Variants in ZMYM6 observed in about 807,000 individuals in gnomAD.
ZMYM6 encodes the protein zinc finger MYM-type protein 6.
In ZMYM6, 90 loss-of-function variants were observed where a neutral mutation model predicts 134.0. The ratio of observed to expected loss-of-function variants is 0.67; its 90% confidence interval spans 0.57 to 0.80. The LOEUF is 0.80. Among genes scored for constraint, ZMYM6 ranks in the 30% least tolerant of loss-of-function variants. The pLI is 0.00. For synonymous variants in ZMYM6, 481 were observed against 524.1 expected (o/e 0.92, Z 1.12); for missense variants, 1,362 against 1,533.9 (o/e 0.89, Z 1.87).
chr1:35,026,326 C>T (rs1253338314), intron 2 of ZMYM6, among the ~76,000 whole-genome samples: 1 of 152,120 alleles, frequency 6.6e-6, no homozygotes, highest in African/African-American at 2.4e-5. Context: ...TGGCCTTCAA[C>T]TATAATTTTA....
chr1:35,024,690 T>G (rs1294901626), intron 2 of ZMYM6, among the ~76,000 whole-genome samples: 1 of 152,172 alleles, frequency 6.6e-6, no homozygotes, highest in Non-Finnish European at 1.5e-5. Context: ...CACCCCTCCA[T>G]GACGTGGCTA....
intron 14 of ZMYM6, among the ~76,000 whole-genome samples, chr1:34,993,157 G>A (rs1458846586): frequency 3.3e-5 from 5 of 150,356 alleles, no homozygotes; most frequent in African/African-American, 1.2e-4. Context: ...TGTCACTCAG[G>A]CTGGAGTACA....
chr1:34,994,693 A>G (rs1314342053), intron 14 of ZMYM6, among the ~76,000 whole-genome samples: 1 of 152,132 alleles, frequency 6.6e-6, no homozygotes, highest in Non-Finnish European at 1.5e-5. Context: ...CAAAATGTAC[A>G]GAAGTATTGC....
chr1:35,028,508 A>T (rs981174356), intron 2 of ZMYM6, among the ~76,000 whole-genome samples: 6 of 150,238 alleles, frequency 4.0e-5, no homozygotes, highest in South Asian at 2.1e-4. Context: ...ATTTTATTTT[A>T]TTTTTTTTTG....
rs1640609058 is a variant in ZMYM6, at chr1:34,988,401, A to G, written c.2681T>C (p.Ile894Thr). The change falls in exon 16 of 16, where the codon ATT becomes ACT. Residue 894 changes from isoleucine to threonine, a missense_variant. By Grantham distance (89) the Ile-to-Thr change is moderately conservative. Transcript: ENST00000357182. ...GACCTTTTGAATCAGCTGGTCTTCA[A>G]TGTCTGCAGATAGTTCATCAATCCT... ...QHRIDELSAD[I>T]EDQLIQKVRE... The G allele has an allele frequency of 6.4e-7, 1 of 1,551,664 alleles. No homozygotes were observed. Among genetic ancestry groups the G allele is most frequent in the Non-Finnish European group, 8.7e-7 (1 of 1,146,964 alleles).
At chr1:35,002,260 T>C (rs1028191442) in intron 14 of ZMYM6, among the ~76,000 whole-genome samples, 8 of 152,218 alleles carry the variant, frequency 5.3e-5, no homozygotes, top group African/African-American at 1.7e-4. Context: ...ACAGATTCCT[T>C]ATTAGCAGGT....
In ZMYM6 at chr1:34,988,139, A is replaced by G; in HGVS notation, c.2943T>C (p.Asp981=). The change falls in exon 16 of 16, where the codon GAT becomes GAC. Residue 981 remains aspartate, a synonymous_variant. Transcript: ENST00000357182. ...ACCTGCCAGTCATGCTTGCAGCCCC[A>G]TCGGTACAGAGACCAACACAATGTT... is the stretch of plus-strand genomic sequence containing the variant. ...NWKHCVGLCT[D]GAASMTGRYS... 1 of 1,551,510 alleles carries G rather than the reference A, an allele frequency of 6.4e-7. No homozygotes were observed. The highest frequency in any genetic ancestry group is 8.7e-7 in the Non-Finnish European group (1 of 1,146,966).
chr1:35,010,943 C>A lies in ZMYM6; in HGVS notation c.1156G>T (p.Val386Leu). 1.9e-6 allele frequency: 3 copies of A among 1,612,822 alleles called. No individual in the cohort carries two copies. The highest frequency in any genetic ancestry group is 2.5e-6 in the Non-Finnish European group (3 of 1,179,570). The change falls in exon 9 of 16, where the codon GTG (valine) becomes TTG (leucine). Residue 386 changes from valine to leucine, a missense_variant. Coordinates refer to ENST00000357182, the MANE Select transcript of ZMYM6 (RefSeq NM_007167.4). ...VVSPPSSRSA[V>L]SIGGGNTSAV... ...GAGGTGTTACCTCCTCCTATTGACA[C>A]TGCTGACCTGGAGGAGGGCGGGCTT...
At chr1:35,015,257 G>T in intron 4 of ZMYM6, 95 bp from the exon 5 acceptor site, 2 of 1,179,316 alleles carry the variant, frequency 1.7e-6, no homozygotes, top group Non-Finnish European at 2.3e-6. Flanking sequence ...CTAAGGGCAG[G>T]TACTGTATGG....
rs1397911204 is a variant in ZMYM6 at position 35,015,113 on chromosome 1, A to G, written c.478T>C (p.Tyr160His). ...TGGCTGCAGAAATCTTTGCTAGGAT[A>G]GGAATTCTCAAAGCGAGTTGTGATC... ...DVITTRFENS[Y>H]PSKDFCSQSC... is the part of the protein sequence containing the mutation. Residue 160 changes from tyrosine (Y) to histidine (H), a missense_variant, in exon 5 of 16, where the codon TAT (tyrosine) becomes CAT (histidine). Coordinates refer to ENST00000357182, the MANE Select transcript of ZMYM6 (RefSeq NM_007167.4). The G allele has an allele frequency of 7.4e-6, 12 of 1,612,776 alleles. No individual in the cohort carries two copies. Among genetic ancestry groups the G allele is most frequent in the Non-Finnish European group, 1.0e-5 (12 of 1,179,716 alleles).
chr1:35,012,494 T>C lies in ZMYM6; in HGVS notation c.883A>G (p.Thr295Ala), dbSNP rs780760351. ...CAATTAATAGAGCAGAAAAGCTCTG[T>C]TTTTCCTGAATCATTTGTAGTCTCA... ...MIETTNDSGK[T>A]ELFCSINCLS... Residue 295 changes from threonine (T) to alanine (A), a missense_variant, in exon 7 of 16, where the codon ACA becomes GCA. Around this residue, in one of 3 missense-constraint regions of ZMYM6, gnomAD observed 503 missense variants for 520.8 expected, o/e 0.97. Transcript: ENST00000357182. 3.1e-6 allele frequency: 5 copies of C among 1,613,062 alleles called. No homozygotes were observed. Among genetic ancestry groups the C allele is most frequent in the African/African-American group, 2.7e-5 (2 of 75,010 alleles).
At chr1:35,013,898 G>A (rs1254295590) in intron 6 of ZMYM6, among the ~76,000 whole-genome samples, 1 of 152,058 alleles carries the variant, frequency 6.6e-6, no homozygotes, top group African/African-American at 2.4e-5. Flanking sequence ...CACCATGTTG[G>A]TCAGGCTGGT....
intron 1 of ZMYM6, among the ~76,000 whole-genome samples, chr1:35,031,070 C>G (rs1217255035): frequency 2.0e-5 from 3 of 152,194 alleles, no homozygotes; most frequent in Non-Finnish European, 2.9e-5. Context: ...CCATAAGAAT[C>G]AGTACTTAGA....
At chr1:35,004,110 C>A in intron 13 of ZMYM6, 105 bp from the exon 14 acceptor site, 1 of 922,430 alleles carries the variant, frequency 1.1e-6, no homozygotes. Context: ...GAGTCTAAAC[C>A]AGAGTTTCTC....
At chr1:35,011,188 G>C (rs1641078593) in intron 8 of ZMYM6, 152 bp from the exon 9 acceptor site, 2 of 855,788 alleles carry the variant, frequency 2.3e-6, no homozygotes, top group South Asian at 1.9e-5. Context: ...TATATTTCCA[G>C]AATAAAAGGA....
rs940165256 is a variant in ZMYM6, at chr1:35,006,966, G to A, written c.1798C>T (p.Leu600Phe). 3 of 1,610,200 alleles carry A rather than the reference G, an allele frequency of 1.9e-6. No individual in the cohort carries two copies. The highest frequency in any genetic ancestry group is 1.7e-5 in the Admixed American group (1 of 59,264). Residue 600 changes from leucine (L) to phenylalanine (F), a missense_variant, in exon 12 of 16, where the codon CTT (leucine) becomes TTT (phenylalanine). Transcript: ENST00000357182. ...FCHQQIMNDCLPQNKVNISKA... is the reference protein window; with the variant it reads ...FCHQQIMNDCFPQNKVNISKA... ...TTAATTTTACCTTTATTTTGTGGAA[G>A]ACAGTCATTCATAATTTGCTGATGA... is the stretch of plus-strand genomic sequence containing the variant.
chr1:35,019,387 G>A lies in ZMYM6; in HGVS notation c.394C>T (p.Pro132Ser). The change falls in exon 4 of 16, where the codon CCT (proline) becomes TCT (serine). Residue 132 changes from proline (P) to serine (S), a missense_variant. This residue lies in a region of ZMYM6 where 503 missense variants were observed against 520.8 expected (regional missense o/e 0.97). Transcript: ENST00000357182. ...TRHSSPACLPPPPKKTCTNCS... is the reference protein window; with the variant it reads ...TRHSSPACLPSPPKKTCTNCS... ...TTTGTGCAGGTTTTCTTGGGAGGAGGTGGCAGGCAGGCAGGTGAAGAATGT... is the reference window on the plus strand; with the variant it reads ...TTTGTGCAGGTTTTCTTGGGAGGAGATGGCAGGCAGGCAGGTGAAGAATGT... 5 of 1,614,176 alleles carry A rather than the reference G, an allele frequency of 3.1e-6. No homozygotes were observed. Among genetic ancestry groups the A allele is most frequent in the East Asian group, 2.2e-5 (1 of 44,880 alleles).
At position 35,019,462 on chromosome 1, in the gene ZMYM6, G is replaced by A; in HGVS notation, c.319C>T (p.His107Tyr). 1 of 1,614,172 alleles carries A rather than the reference G, an allele frequency of 6.2e-7. No individual in the cohort carries two copies. The highest frequency in any genetic ancestry group is 8.5e-7 in the Non-Finnish European group (1 of 1,180,022). ...AAGAGCTGAGTAGATCCTGTCTTAT[G>A]ATATGCAGTTTGGCCCTTATAAAGC... ...KMLYKGQTAY[H>Y]KTGSTQLFCS... The change falls in exon 4 of 16, where the codon CAT becomes TAT. Residue 107 changes from histidine to tyrosine, a missense_variant. Physicochemically the swap from His to Tyr is moderately conservative, Grantham distance 83. Transcript: ENST00000357182.
At chr1:35,026,666 G>C (rs1011285634) in intron 2 of ZMYM6, among the ~76,000 whole-genome samples, 1 of 152,160 alleles carries the variant, frequency 6.6e-6, no homozygotes, top group Non-Finnish European at 1.5e-5. Flanking sequence ...TAAGTGTATA[G>C]GCAAGGTATA....
Sources: gnomAD v4.1 joint callset for allele counts (sites outside exome capture counted in the v4.1 genomes callset) on GRCh38, gnomAD v4.1.1 for gene constraint, gnomAD v4.1.1 regional missense constraint, MANE v1.5 for transcripts, NCBI Gene and HGNC (gene_info 2026-07-23, HGNC 2026-07-21) for gene names.